PKIB: variants seen among roughly 807,000 people sequenced by gnomAD.
PKIB encodes the protein cAMP-dependent protein kinase inhibitor beta, also known as PKI-beta.
A neutral mutation model predicts 4.5 loss-of-function variants in PKIB; 2 were observed. That is an observed-to-expected ratio of 0.44 (90% CI 0.18 to 1.39). The LOEUF is 1.39. Ranked by LOEUF, PKIB falls within the 40% of genes most tolerant of loss-of-function variation. The probability of loss-of-function intolerance (pLI) is 0.27; values close to 1 mark genes in which losing one functional copy is unlikely to be tolerated. For missense variants in PKIB, 94 were observed against 92.6 expected (o/e 1.02, Z -0.06); for synonymous variants, 38 against 36.0 (o/e 1.06, Z -0.20).
At chr6:122,516,966 C>T (rs762508900) in intron 2 of PKIB, among the ~76,000 whole-genome samples, 1 of 152,152 alleles carries the variant, frequency 6.6e-6, no homozygotes, top group Non-Finnish European at 1.5e-5. Context: ...TCCTCCCACC[C>T]ATAGTGTGGG....
At chr6:122,645,492 G>A (rs1776274653) in intron 2 of PKIB, among the ~76,000 whole-genome samples, 4 of 152,216 alleles carry the variant, frequency 2.6e-5, no homozygotes, top group Non-Finnish European at 5.9e-5. Context: ...CCAGCAAGGT[G>A]CAGCAGATGG....
chr6:122,661,204 AC>A (rs1256950089), intron 2 of PKIB, among the ~76,000 whole-genome samples: 1 of 152,162 alleles, frequency 6.6e-6, no homozygotes, highest in Non-Finnish European at 1.5e-5. Flanking sequence ...CTTAAAAAAA[AC>A]TTTATTGACA....
At chr6:122,548,562 T>G (rs1772576064) in intron 2 of PKIB, among the ~76,000 whole-genome samples, 1 of 152,342 alleles carries the variant, frequency 6.6e-6, no homozygotes, top group South Asian at 2.1e-4. Context: ...ATGTAGATAT[T>G]ATTCAAAGTG....
chr6:122,539,429 A>G (rs1777518084), intron 2 of PKIB, among the ~76,000 whole-genome samples: 1 of 152,042 alleles, frequency 6.6e-6, no homozygotes, highest in African/African-American at 2.4e-5. Flanking sequence ...TTCTGCATCT[A>G]TTGAGATAAT....
At chr6:122,582,193 A>C (rs185706902) in intron 2 of PKIB, among the ~76,000 whole-genome samples, 4 of 152,160 alleles carry the variant, frequency 2.6e-5, no homozygotes, top group South Asian at 2.1e-4. Flanking sequence ...AAGTCCTAAA[A>C]TCATCCAGGT....
chr6:122,642,886 A>G (rs935783724), intron 2 of PKIB, among the ~76,000 whole-genome samples: 2 of 152,184 alleles, frequency 1.3e-5, no homozygotes, highest in African/African-American at 4.8e-5. Flanking sequence ...TTGTATCACT[A>G]TGATTCATGG....
intron 2 of PKIB, among the ~76,000 whole-genome samples, chr6:122,527,647 CAAAT>C (rs752501646): frequency 3.3e-5 from 5 of 151,942 alleles, no homozygotes; most frequent in African/African-American, 4.8e-5. Flanking sequence ...TGTGGGGCCT[CAAAT>C]AAATTATAAT....
intron 2 of PKIB, among the ~76,000 whole-genome samples, chr6:122,662,481 A>ATT (rs915977463): frequency 6.9e-6 from 1 of 144,824 alleles, no homozygotes; most frequent in African/African-American, 2.5e-5. Context: ...GTGCCCAGCT[A>ATT]TTTTTTTTTT....
At chr6:122,578,661 C>T (rs1300720173) in intron 2 of PKIB, among the ~76,000 whole-genome samples, 1 of 152,160 alleles carries the variant, frequency 6.6e-6, no homozygotes, top group Non-Finnish European at 1.5e-5. Flanking sequence ...CAGAGCCTGT[C>T]TCACATTGTG....
rs113573468 is a variant in PKIB, at chr6:122,584,224, T to G, written c.-247-1697T>G. Among the ~76,000 whole-genome samples the G allele has an allele frequency of 4.9e-3, 739 of 152,220 alleles. 4 individuals are homozygous for G. The highest frequency in any genetic ancestry group is 5.6e-3 in the Non-Finnish European group (379 of 67,992). On this transcript the variant is annotated intron_variant, in intron 2 of 6. Coordinates refer to the PKIB transcript ENST00000392491. Reference sequence around the variant, plus strand: ...TAAGTTATTAAGCATGCACAAGATCTCAGGATAGTATCTCCATCTTATTGC... The same window carrying G: ...TAAGTTATTAAGCATGCACAAGATCGCAGGATAGTATCTCCATCTTATTGC...
intron 2 of PKIB, among the ~76,000 whole-genome samples, chr6:122,673,083 A>G (rs574411154): frequency 1.4e-4 from 22 of 152,244 alleles, no homozygotes; most frequent in African/African-American, 4.8e-4. Context: ...AATAAACTGG[A>G]AAGAAGTGGA....
chr6:122,696,287 G>A (rs1778565575), intron 3 of PKIB, among the ~76,000 whole-genome samples: 1 of 152,170 alleles, frequency 6.6e-6, no homozygotes, highest in Non-Finnish European at 1.5e-5. Flanking sequence ...AAGTTTTGAT[G>A]TTTCTGGGAA....
intron 3 of PKIB, among the ~76,000 whole-genome samples, chr6:122,692,523 T>G (rs748376313): frequency 5.9e-5 from 9 of 152,068 alleles, no homozygotes; most frequent in Non-Finnish European, 1.3e-4. Flanking sequence ...ACTACTTGCC[T>G]AAAGCTCTTC....
chr6:122,706,442 C>G (rs914309527), intron 3 of PKIB, among the ~76,000 whole-genome samples: 2 of 152,126 alleles, frequency 1.3e-5, no homozygotes, highest in Admixed American at 6.6e-5. Context: ...GCCACTGTTT[C>G]CCCAGAGTCT....
chr6:122,708,632 A>C (rs1213695684), intron 3 of PKIB, among the ~76,000 whole-genome samples: 1 of 152,124 alleles, frequency 6.6e-6, no homozygotes, highest in Admixed American at 6.6e-5. Flanking sequence ...GAAATGTCTC[A>C]GAGTTAATCT....
In PKIB at chr6:122,725,320, A is replaced by G; in HGVS notation, c.*125A>G. ...TTGCAGCCCTAAGCAGCATGTGTAT[A>G]TTAGATAATTGTGTTGTGATGCTAC... On this transcript the variant is annotated 3_prime_UTR_variant, in exon 5 of 5. Coordinates refer to ENST00000368452, the MANE Select transcript of PKIB (RefSeq NM_181795.3). 5.5e-6 allele frequency: 4 copies of G among 722,672 alleles called. No individual in the cohort carries two copies. The highest frequency in any genetic ancestry group is 3.9e-5 in the South Asian group (2 of 51,686). 44.8% of individuals were successfully genotyped at this position (722,672 alleles called of 1,614,324 possible). A position where few individuals can be genotyped will look rare whatever the true frequency, so the allele number is the denominator to read the frequency against.
chr6:122,605,696 C>G (rs968764282), upstream of PKIB, among the ~76,000 whole-genome samples: 1 of 152,100 alleles, frequency 6.6e-6, no homozygotes, highest in Non-Finnish European at 1.5e-5. Flanking sequence ...AGAGGGAAGC[C>G]AACTTCCTCA....
intron 3 of PKIB, among the ~76,000 whole-genome samples, chr6:122,691,005 A>G (rs769729053): frequency 1.3e-4 from 20 of 149,064 alleles, no homozygotes; most frequent in Non-Finnish European, 7.4e-5. Flanking sequence ...TAAATATGGC[A>G]TGCCACTCTC....
intron 1 of PKIB, among the ~76,000 whole-genome samples, chr6:122,617,478 G>A (rs1775042786): frequency 6.6e-6 from 1 of 152,160 alleles, no homozygotes; most frequent in Admixed American, 6.5e-5. Context: ...TGGGTTCTAG[G>A]TTTGAATGCT....
Sources: allele counts gnomAD v4.1 joint callset (sites outside exome capture counted in the v4.1 genomes callset), GRCh38; gene constraint gnomAD v4.1.1; transcripts MANE v1.5; gene names NCBI Gene and HGNC (gene_info 2026-07-23, HGNC 2026-07-21).